SYNPR: variants seen among roughly 807,000 people sequenced by gnomAD.
SYNPR encodes the protein synaptoporin.
A neutral mutation model predicts 32.9 loss-of-function variants in SYNPR; 23 were observed. The ratio of observed to expected loss-of-function variants is 0.70; its 90% CI spans 0.50 to 0.99. SYNPR has a LOEUF of 0.99. Ranked by LOEUF, SYNPR falls within the 50% of genes least tolerant of loss-of-function variation. The probability of loss-of-function intolerance (pLI) is 0.00; values close to 1 mark genes in which losing one functional copy is unlikely to be tolerated. For missense variants in SYNPR, 318 were observed against 349.3 expected (o/e 0.91, Z 0.71); for synonymous variants, 146 against 135.9 (o/e 1.07, Z -0.52).
the SYNPR span, among the ~76,000 whole-genome samples, chr3:63,211,683 G>A: frequency 6.7e-6 from 1 of 149,476 alleles, no homozygotes; most frequent in Non-Finnish European, 1.5e-5. Context: ...GAGAAATCAG[G>A]TTTTAAGAAG....
intron 2 of SYNPR, among the ~76,000 whole-genome samples, chr3:63,452,835 G>C (rs1400425171): frequency 6.6e-6 from 1 of 152,098 alleles, no homozygotes. Flanking sequence ...TCCTCATACA[G>C]TTTATGTCCT....
intron 2 of SYNPR, among the ~76,000 whole-genome samples, chr3:63,476,105 AG>A (rs1413196688): frequency 4.7e-5 from 5 of 107,230 alleles, no homozygotes; most frequent in Admixed American, 1.0e-4. Flanking sequence ...GGAGGAAGGG[AG>A]GGGGGAGGAA....
intron 4 of SYNPR, among the ~76,000 whole-genome samples, chr3:63,583,664 C>A (rs1703131832): frequency 6.6e-6 from 1 of 152,024 alleles, no homozygotes; most frequent in African/African-American, 2.4e-5. Context: ...GGCATATTAG[C>A]TTTTAATGTA....
At chr3:63,401,948 CAG>C (rs1205557195) in intron 2 of SYNPR, among the ~76,000 whole-genome samples, 1 of 152,112 alleles carries the variant, frequency 6.6e-6, no homozygotes, top group African/African-American at 2.4e-5. Flanking sequence ...TGTCTTCTGC[CAG>C]AGAGACACCT....
At chr3:63,609,754 A>C (rs1182075472) in intron 5 of SYNPR, among the ~76,000 whole-genome samples, 1 of 152,058 alleles carries the variant, frequency 6.6e-6, no homozygotes, top group Non-Finnish European at 1.5e-5. Flanking sequence ...TAAAAATACA[A>C]AAAAAACTAG....
chr3:63,502,323 C>T (rs959108508), intron 3 of SYNPR, among the ~76,000 whole-genome samples: 5 of 151,796 alleles, frequency 3.3e-5, no homozygotes, highest in African/African-American at 1.2e-4. Flanking sequence ...CACATGCATA[C>T]CTTCCCCCTT....
chr3:63,359,883 T>G (rs2087633369), intron 2 of SYNPR, among the ~76,000 whole-genome samples: 1 of 152,188 alleles, frequency 6.6e-6, no homozygotes, highest in Non-Finnish European at 1.5e-5. Flanking sequence ...TGTAAGAATT[T>G]ATTTGAAGTT....
intron 5 of SYNPR, among the ~76,000 whole-genome samples, chr3:63,611,799 C>T (rs1291769868): frequency 6.6e-6 from 1 of 152,150 alleles, no homozygotes; most frequent in African/African-American, 2.4e-5. Context: ...GGTCCAGTTG[C>T]AAATTTCTGG....
intron 2 of SYNPR, among the ~76,000 whole-genome samples, chr3:63,309,359 T>G (rs2106950905): frequency 6.6e-6 from 1 of 152,140 alleles, no homozygotes; most frequent in South Asian, 2.1e-4. Context: ...GGGTTGTATT[T>G]TCCTGTGTGT....
intron 2 of SYNPR, among the ~76,000 whole-genome samples, chr3:63,380,805 A>G (rs12054389): frequency 0.14 from 21,341 of 152,242 alleles, 2,209 homozygotes; most frequent in East Asian, 0.58. Flanking sequence ...CAAAAACCAC[A>G]TGATTATCTC....
At position 63,423,831 on chromosome 3, in the gene SYNPR, C is replaced by T. The variant is rs549729209; in HGVS notation, c.85-57001C>T. 1.6e-4 allele frequency: 24 copies of T among 152,344 alleles called. No homozygotes were observed. In the East Asian group the frequency reaches 4.1e-3, roughly 26 times the overall value. 9.4% of individuals were successfully genotyped at this position (152,344 alleles called of 1,614,324 possible). A position where few individuals can be genotyped will look rare whatever the true frequency, so the allele number is the denominator to read the frequency against. On this transcript the variant is annotated intron_variant, in intron 2 of 5. Coordinates refer to ENST00000478300, the MANE Select transcript of SYNPR (RefSeq NM_001130003.2). ...CCAGGGCCAGTTTGGGCTGGTTTGGCAGTTACATAAAGTTTCACTTTATTT... is the reference window on the plus strand; with the variant it reads ...CCAGGGCCAGTTTGGGCTGGTTTGGTAGTTACATAAAGTTTCACTTTATTT...
At chr3:63,606,485 G>A (rs1357548779) in intron 4 of SYNPR, among the ~76,000 whole-genome samples, 1 of 138,046 alleles carries the variant, frequency 7.2e-6, no homozygotes, top group African/African-American at 2.7e-5. Context: ...TGGCTGGAGT[G>A]CAGTGATGCA....
At chr3:63,595,951 T>TATATATATTTTA (rs1559546753) in intron 4 of SYNPR, among the ~76,000 whole-genome samples, 1 of 116,890 alleles carries the variant, frequency 8.6e-6, no homozygotes, top group Non-Finnish European at 1.7e-5. Context: ...ATATATAGTT[T>TATATATATTTTA]TATATATATA....
chr3:63,405,591 A>G (rs2088349346), intron 2 of SYNPR, among the ~76,000 whole-genome samples: 1 of 152,220 alleles, frequency 6.6e-6, no homozygotes, highest in Admixed American at 6.5e-5. Context: ...TAAGAACAGT[A>G]GAAAGCAGAT....
the SYNPR span, among the ~76,000 whole-genome samples, chr3:63,218,382 A>G: frequency 1.3e-5 from 2 of 152,180 alleles, 1 homozygote; most frequent in South Asian, 4.1e-4. Flanking sequence ...TGGGAGGAAC[A>G]TTTATTGAGA....
chr3:63,282,499 T>C (rs775809183), intron 2 of SYNPR, among the ~76,000 whole-genome samples: 3 of 152,068 alleles, frequency 2.0e-5, no homozygotes, highest in Non-Finnish European at 4.4e-5. Flanking sequence ...CAAATAAAAA[T>C]AATGTGAGAT....
intron 3 of SYNPR, among the ~76,000 whole-genome samples, chr3:63,542,873 CA>C (rs1357983738): frequency 1.3e-5 from 2 of 151,998 alleles, no homozygotes; most frequent in East Asian, 3.9e-4. Context: ...CCTGAATTAC[CA>C]AAAGTGGGCA....
At chr3:63,553,001 G>A (rs565933011) in intron 3 of SYNPR, among the ~76,000 whole-genome samples, 4 of 152,088 alleles carry the variant, frequency 2.6e-5, no homozygotes, top group African/African-American at 9.6e-5. Context: ...TTTAGATATG[G>A]GGGTACATGT....
Position 63,285,463 on chromosome 3 carries a change from G to C in SYNPR, c.84+6721G>C, listed in dbSNP as rs146338230. On this transcript the variant is annotated intron_variant, in intron 2 of 5. Coordinates refer to ENST00000478300, the MANE Select transcript of SYNPR (RefSeq NM_001130003.2). The stretch of plus-strand genomic sequence containing the variant: ...TTCTTACAGAAAATTTATTTAAATC[G>C]TGAGCAGCAATCTACGATTGACAGT... Among the ~76,000 whole-genome samples, 569 of 152,214 alleles carry C rather than the reference G, an allele frequency of 3.7e-3. 4 individuals carry two copies. The highest frequency in any genetic ancestry group is 0.012 in the African/African-American group (489 of 41,532).
Sources: allele counts gnomAD v4.1 joint callset (sites outside exome capture counted in the v4.1 genomes callset), GRCh38; gene constraint gnomAD v4.1.1; transcripts MANE v1.5; gene names NCBI Gene and HGNC (gene_info 2026-07-23, HGNC 2026-07-21).